Variants in ZNF385D observed in about 807,000 individuals in gnomAD.
ZNF385D encodes the protein zinc finger protein 659.
Under a neutral mutation model 35.8 loss-of-function variants are expected in ZNF385D, and 15 were observed. The ratio of observed to expected loss-of-function variants is 0.42; its 90% CI spans 0.28 to 0.64. ZNF385D has a LOEUF of 0.64. Ranked by LOEUF, ZNF385D falls within the 30% of genes least tolerant of loss-of-function variation. ZNF385D has a pLI of 0.23. For missense variants in ZNF385D, 474 were observed against 494.6 expected (o/e 0.96, Z 0.39); for synonymous variants, 212 against 186.8 (o/e 1.13, Z -1.10).
intron 4 of ZNF385D, among the ~76,000 whole-genome samples, chr3:21,510,544 T>G (rs145362428): frequency 6.6e-6 from 1 of 152,130 alleles, no homozygotes; most frequent in Non-Finnish European, 1.5e-5. Context: ...GCATACAAGA[T>G]GCAAATGCTG....
chr3:21,805,995 C>T (rs1298481261), intron 3 of ZNF385D, among the ~76,000 whole-genome samples: 1 of 152,098 alleles, frequency 6.6e-6, no homozygotes, highest in African/African-American at 2.4e-5. Context: ...AATACAATGT[C>T]TATAAAAGGA....
chr3:21,525,580 A>G lies in ZNF385D; in HGVS notation c.277-14557T>C, dbSNP rs1363599664. Among the ~76,000 whole-genome samples, 3 of 148,886 alleles carry G rather than the reference A, an allele frequency of 2.0e-5. No homozygotes were observed. In the East Asian group the frequency reaches 6.2e-4, roughly 31 times the overall value. ...ATGCCTGTAATCCCAGCTACTCAGG[A>G]GGCTGAGGGAGGAGAATTGCTTGAA... On this transcript the variant is annotated intron_variant, in intron 3 of 7. Coordinates refer to ENST00000281523, the MANE Select transcript of ZNF385D (RefSeq NM_024697.3).
At position 22,224,766 on chromosome 3, in the gene ZNF385D, T is replaced by A. The variant is rs561856830; in HGVS notation, c.107-55731A>T. ...ACCTTGGGACACCAATTCCAGAAGG[T>A]TGAAGACCTGCCCCTAAGTTGGTCC... On this transcript the variant is annotated intron_variant, in intron 2 of 5. Transcript: ENST00000494108. Among the ~76,000 whole-genome samples, 12 of 152,290 alleles carry A rather than the reference T, an allele frequency of 7.9e-5. No individual in the cohort carries two copies. In the South Asian group the frequency reaches 2.3e-3, roughly 29 times the overall value.
At chr3:21,682,187 C>T (rs1408615574) in intron 1 of ZNF385D, among the ~76,000 whole-genome samples, 1 of 152,170 alleles carries the variant, frequency 6.6e-6, no homozygotes, top group Non-Finnish European at 1.5e-5. Flanking sequence ...GAATCTTGGA[C>T]AATTGGCAGG....
Position 21,419,025 on chromosome 3 carries a change from C to T in ZNF385D, c.*2189G>A, listed in dbSNP as rs963361435. The T allele has an allele frequency of 6.6e-6, 1 of 152,072 alleles. No homozygotes were observed. Among genetic ancestry groups the T allele is most frequent in the African/African-American group, 2.4e-5 (1 of 41,400 alleles). The allele number at this position is 152,072 out of a possible 1,614,324, so 9.4% of individuals were successfully genotyped here. A position where few individuals can be genotyped will look rare whatever the true frequency, so the allele number is the denominator to read the frequency against. ...ATAGAGATGCTGGTAAATGCAAAATCACCAGATACTTTCAAAACAAATTTT... is the reference window on the plus strand; with the variant it reads ...ATAGAGATGCTGGTAAATGCAAAATTACCAGATACTTTCAAAACAAATTTT... On this transcript the variant is annotated 3_prime_UTR_variant, in exon 8 of 8. Coordinates refer to ENST00000281523, the MANE Select transcript of ZNF385D (RefSeq NM_024697.3).
At chr3:21,720,581 C>T (rs1469137380) in intron 1 of ZNF385D, among the ~76,000 whole-genome samples, 1 of 152,156 alleles carries the variant, frequency 6.6e-6, no homozygotes, top group African/African-American at 2.4e-5. Context: ...TCAGGCCCTA[C>T]CTCAGATATA....
intron 2 of ZNF385D, among the ~76,000 whole-genome samples, chr3:22,361,926 T>C (rs1428206933): frequency 6.6e-6 from 1 of 151,992 alleles, no homozygotes; most frequent in Non-Finnish European, 1.5e-5. Context: ...ACATAAGTTT[T>C]TAGTATATGA....
chr3:21,737,244 G>A (rs1476208261), intron 1 of ZNF385D, among the ~76,000 whole-genome samples: 3 of 152,126 alleles, frequency 2.0e-5, no homozygotes, highest in African/African-American at 7.2e-5. Context: ...AGATACATGT[G>A]TCCATGTAAC....
At chr3:22,201,420 A>G (rs1191185531) in intron 2 of ZNF385D, among the ~76,000 whole-genome samples, 1 of 152,184 alleles carries the variant, frequency 6.6e-6, no homozygotes, top group Non-Finnish European at 1.5e-5. Context: ...CCTGATTTAA[A>G]TATGTTTACA....
intron 4 of ZNF385D, among the ~76,000 whole-genome samples, chr3:21,510,535 C>T (rs1707122948): frequency 6.6e-6 from 1 of 152,148 alleles, no homozygotes; most frequent in South Asian, 2.1e-4. Flanking sequence ...TAAGGTGCTG[C>T]ATACAAGATG....
At chr3:21,427,649 A>G (rs1016319596) in intron 5 of ZNF385D, among the ~76,000 whole-genome samples, 1 of 152,174 alleles carries the variant, frequency 6.6e-6, no homozygotes, top group East Asian at 1.9e-4. Context: ...GCAAAGATTC[A>G]GAAAATATGG....
intron 2 of ZNF385D, among the ~76,000 whole-genome samples, chr3:21,593,333 C>A (rs536129873): frequency 1.8e-4 from 27 of 152,296 alleles, no homozygotes; most frequent in African/African-American, 6.3e-4. Context: ...AATCCATTGC[C>A]TCACTTCCTA....
At chr3:22,135,596 A>G (rs550433272) in intron 3 of ZNF385D, among the ~76,000 whole-genome samples, 90 of 152,328 alleles carry the variant, frequency 5.9e-4, no homozygotes, top group African/African-American at 2.1e-3. Flanking sequence ...TCCAAATCCC[A>G]GTAAAATCTT....
At position 21,508,045 on chromosome 3, in the gene ZNF385D, G is replaced by A. The variant is rs185041931; in HGVS notation, c.439+2816C>T. Among the ~76,000 whole-genome samples the A allele has an allele frequency of 8.6e-5, 13 of 151,904 alleles. No individual in the cohort carries two copies. In the East Asian group the frequency reaches 2.3e-3, roughly 27 times the overall value. On this transcript the variant is annotated intron_variant, in intron 4 of 7. Transcript: ENST00000281523. ...TTTTGTTTTGTTTTTTCCTGATATA[G>A]GTCCTCATGGATTAGGAAAGCAATG...
At chr3:21,903,514 T>A (rs988823070) in intron 3 of ZNF385D, among the ~76,000 whole-genome samples, 65 of 152,286 alleles carry the variant, frequency 4.3e-4, no homozygotes, top group African/African-American at 1.5e-3. Context: ...AAGTATTGTA[T>A]GAAAATCAAA....
intron 3 of ZNF385D, among the ~76,000 whole-genome samples, chr3:21,819,310 G>GA (rs2073291535): frequency 6.6e-6 from 1 of 151,676 alleles, no homozygotes; most frequent in Non-Finnish European, 1.5e-5. Context: ...TAGAATTAAT[G>GA]AAAAAGATTG....
chr3:21,474,172 C>T (rs1476051454), intron 4 of ZNF385D, among the ~76,000 whole-genome samples: 2 of 151,888 alleles, frequency 1.3e-5, no homozygotes, highest in Admixed American at 1.3e-4. Context: ...TTTCAACCAG[C>T]CCATTTTTCT....
At chr3:22,011,648 A>G (rs1371893214) in intron 3 of ZNF385D, among the ~76,000 whole-genome samples, 4 of 152,282 alleles carry the variant, frequency 2.6e-5, no homozygotes, top group Non-Finnish European at 5.9e-5. Flanking sequence ...ATTAATAAGT[A>G]TGGTTATAAA....
At chr3:21,736,386 T>C (rs2069243429) in intron 1 of ZNF385D, among the ~76,000 whole-genome samples, 1 of 152,214 alleles carries the variant, frequency 6.6e-6, no homozygotes, top group Non-Finnish European at 1.5e-5. Flanking sequence ...AGTATGGAAT[T>C]AGAAATATAA....
Sources: allele counts gnomAD v4.1 joint callset (sites outside exome capture counted in the v4.1 genomes callset), GRCh38; gene constraint gnomAD v4.1.1; transcripts MANE v1.5; gene names NCBI Gene and HGNC (gene_info 2026-07-23, HGNC 2026-07-21).